PYY: variants seen among roughly 807,000 people sequenced by gnomAD.
PYY encodes the protein peptide YY.
Under a neutral mutation model 10.3 loss-of-function variants are expected in PYY, and 12 were observed. That is an observed-to-expected ratio of 1.17 (90% CI 0.75 to 1.89). The LOEUF is 1.89. PYY is among the 40% of genes most tolerant of loss of function. PYY has a pLI of 0.00. For synonymous variants in PYY, 66 were observed against 62.0 expected, an observed-to-expected ratio of 1.06 and a Z score of -0.30; for missense variants, 141 against 134.0, an observed-to-expected ratio of 1.05 and a Z score of -0.26.
chr17:43,963,630 A>G (rs796560094), intron 2 of PYY, among the ~76,000 whole-genome samples: 129 of 145,260 alleles, frequency 8.9e-4, no homozygotes, highest in African/African-American at 3.2e-3. Context: ...AAGAAAGAGA[A>G]AGAAAGAAAA....
At chr17:43,960,718 C>T (rs1408445046) in intron 2 of PYY, among the ~76,000 whole-genome samples, 5 of 151,210 alleles carry the variant, frequency 3.3e-5, no homozygotes, top group Admixed American at 6.6e-5. Context: ...GGCATGGTGG[C>T]GGGTGCCTGT....
At chr17:43,986,924 AG>A (rs1272027382) in intron 1 of PYY, among the ~76,000 whole-genome samples, 1 of 152,188 alleles carries the variant, frequency 6.6e-6, no homozygotes, top group Non-Finnish European at 1.5e-5. Context: ...CAATCCTATG[AG>A]GTTCACATTA....
At chr17:43,976,951 A>T (rs953902935) in intron 1 of PYY, among the ~76,000 whole-genome samples, 5 of 151,768 alleles carry the variant, frequency 3.3e-5, no homozygotes, top group Non-Finnish European at 7.4e-5. Context: ...CCCGATACAC[A>T]TCCCTTCTTC....
intron 1 of PYY, among the ~76,000 whole-genome samples, chr17:43,967,856 C>T (rs111432992): frequency 0.014 from 2,062 of 152,218 alleles, 27 homozygotes; most frequent in African/African-American, 0.039. Flanking sequence ...TACAAGACAG[C>T]GCCAAATCCA....
chr17:43,973,532 G>A (rs1417255679), intron 1 of PYY, among the ~76,000 whole-genome samples: 2 of 152,168 alleles, frequency 1.3e-5, no homozygotes, highest in Non-Finnish European at 2.9e-5. Context: ...GGTTGCTCAC[G>A]TCTGTAATCC....
chr17:43,992,368 G>T (rs1006663936), intron 1 of PYY, among the ~76,000 whole-genome samples: 1 of 152,044 alleles, frequency 6.6e-6, no homozygotes, highest in Non-Finnish European at 1.5e-5. Flanking sequence ...ATCACTTAAG[G>T]TCAGGAGCTC....
intron 1 of PYY, among the ~76,000 whole-genome samples, chr17:44,003,910 A>G (rs1335107465): frequency 1.3e-5 from 2 of 152,036 alleles, no homozygotes; most frequent in Non-Finnish European, 2.9e-5. Context: ...GGATCATTTG[A>G]ACCTGGGAGG....
chr17:43,968,902 G>T (rs2048771257), intron 1 of PYY, among the ~76,000 whole-genome samples: 1 of 151,998 alleles, frequency 6.6e-6, no homozygotes, highest in African/African-American at 2.4e-5. Flanking sequence ...GAGGTCAGGA[G>T]TTTGAGATCA....
chr17:43,972,193 T>TTATA (rs949063146), intron 1 of PYY, among the ~76,000 whole-genome samples: 2 of 121,896 alleles, frequency 1.6e-5, no homozygotes, highest in African/African-American at 5.6e-5. Flanking sequence ...TTATTTTATT[T>TTATA]TATTTATTTA....
At chr17:43,956,881 C>G (rs1262391939), upstream of PYY, among the ~76,000 whole-genome samples, 1 of 152,146 alleles carries the variant, frequency 6.6e-6, no homozygotes, top group African/African-American at 2.4e-5. Flanking sequence ...GCCCAGGGTC[C>G]TAGAGATAGC....
At position 43,963,519 on chromosome 17, in the gene PYY, A is replaced by AAG. The variant is rs1555617053; in HGVS notation, c.-218+2768_-218+2769insCT. ...TGAAACTCCATCTCAAAAAAAAAAA[A>AAG]AAAGAAAGAAAGAAGGAAGAGAAGG... On this transcript the variant is annotated intron_variant, in intron 2 of 6. Transcript: ENST00000360085. Among the ~76,000 whole-genome samples the AAG allele has an allele frequency of 6.7e-5, 10 of 149,082 alleles. 1 individual carries two copies. The South Asian group carries it at 1.9e-3, about 28-fold the overall frequency.
At chr17:43,959,690 A>G (rs542889592) in intron 2 of PYY, among the ~76,000 whole-genome samples, 1 of 152,362 alleles carries the variant, frequency 6.6e-6, no homozygotes, top group South Asian at 2.1e-4. Flanking sequence ...TCAAAAAAGA[A>G]AAAAAATAAA....
intron 1 of PYY, among the ~76,000 whole-genome samples, chr17:44,000,804 C>T (rs940237976): frequency 1.3e-5 from 2 of 152,088 alleles, no homozygotes; most frequent in African/African-American, 4.8e-5. Flanking sequence ...ATCCGCCCGC[C>T]TCAGCCTCCC....
chr17:43,976,454 C>CAT (rs1365902846), intron 1 of PYY, among the ~76,000 whole-genome samples: 2 of 145,264 alleles, frequency 1.4e-5, no homozygotes, highest in East Asian at 3.2e-4. Context: ...TATACATATA[C>CAT]ATATATATAC....
At chr17:43,997,639 A>G (rs79807372) in intron 1 of PYY, among the ~76,000 whole-genome samples, 3,565 of 152,218 alleles carry the variant, frequency 0.023, 128 homozygotes, top group African/African-American at 0.082. Flanking sequence ...GAATGACACC[A>G]TGGGACTCAC....
chr17:43,959,097 G>A (rs1316531402), intron 2 of PYY, among the ~76,000 whole-genome samples: 1 of 152,200 alleles, frequency 6.6e-6, no homozygotes, highest in Non-Finnish European at 1.5e-5. Context: ...ATAGGATTGT[G>A]GGTGTGATTT....
intron 1 of PYY, among the ~76,000 whole-genome samples, chr17:43,996,018 A>G (rs973095535): frequency 6.6e-6 from 1 of 152,008 alleles, no homozygotes; most frequent in Non-Finnish European, 1.5e-5. Flanking sequence ...AATTATATAT[A>G]TATATGAAAG....
chr17:44,003,396 C>T (rs2049043999), intron 1 of PYY, among the ~76,000 whole-genome samples: 1 of 152,140 alleles, frequency 6.6e-6, no homozygotes, highest in Non-Finnish European at 1.5e-5. Context: ...GTGGCTCACG[C>T]CTGTAATCCC....
chr17:43,965,274 A>G (rs2048746293), intron 2 of PYY, among the ~76,000 whole-genome samples: 1 of 151,814 alleles, frequency 6.6e-6, no homozygotes, highest in Non-Finnish European at 1.5e-5. Flanking sequence ...TGAGGTCAGG[A>G]GTTCAAGACC....
Sources: gnomAD v4.1 joint callset for allele counts (sites outside exome capture counted in the v4.1 genomes callset) on GRCh38, gnomAD v4.1.1 for gene constraint, MANE v1.5 for transcripts, NCBI Gene and HGNC (gene_info 2026-07-23, HGNC 2026-07-21) for gene names.